VPS8: variants seen among roughly 807,000 people sequenced by gnomAD.
The protein encoded by VPS8 is vacuolar protein sorting-associated protein 8 homolog.
In VPS8, 129 loss-of-function variants were observed where a neutral mutation model predicts 216.4. The observed-to-expected ratio is 0.60, with a 90% CI of 0.52 to 0.69. The LOEUF (loss-of-function observed/expected upper bound fraction) is 0.69. VPS8 is among the 30% of genes least tolerant of loss of function. VPS8 has a pLI of 0.00. For synonymous variants in VPS8, 571 were observed against 565.4 expected (o/e 1.01, Z -0.14); for missense variants, 1,531 against 1,683.5 (o/e 0.91, Z 1.59).
intron 42 of VPS8, among the ~76,000 whole-genome samples, chr3:184,993,379 C>A (rs1298785631): frequency 2.0e-5 from 3 of 151,144 alleles, no homozygotes; most frequent in African/African-American, 4.9e-5. Flanking sequence ...TTTTTGTACA[C>A]TTCAGTGTTT....
At chr3:184,863,397 A>C (rs1313405205) in intron 16 of VPS8, among the ~76,000 whole-genome samples, 1 of 152,220 alleles carries the variant, frequency 6.6e-6, no homozygotes, top group Non-Finnish European at 1.5e-5. Flanking sequence ...TAGAAAGCTT[A>C]ATTTGGCAGT....
chr3:184,852,099 C>T (rs1724392014), intron 10 of VPS8, among the ~76,000 whole-genome samples: 1 of 152,074 alleles, frequency 6.6e-6, no homozygotes, highest in African/African-American at 2.4e-5. Flanking sequence ...TCAAAGATAC[C>T]AAGTATTTTT....
chr3:184,882,270 G>A (rs1390167081), intron 21 of VPS8: 16 of 405,882 alleles, frequency 3.9e-5, no homozygotes, highest in South Asian at 2.0e-4. Context: ...TTCTAAGAGG[G>A]TTTTCATGAA....
chr3:184,924,900 A>G lies in VPS8; in HGVS notation c.2493A>G (p.Val831=). The change falls in exon 30 of 48, where the codon GTA becomes GTG. Residue 831 remains valine (V), a synonymous_variant. Coordinates refer to ENST00000625842, the MANE Select transcript of VPS8 (RefSeq NM_001009921.3). ...VENSDFTPSQ[V]GCLFTFLARQ... is the part of the protein sequence containing the mutation. ...ATTCAGACTTTACCCCCTCACAAGT[A>G]GGATGTCTCTTTACCTTCCTTGCTC... 6.2e-7 allele frequency: 1 copy of G among 1,613,344 alleles called. No individual in the cohort carries two copies. Among genetic ancestry groups the G allele is most frequent in the Non-Finnish European group, 8.5e-7 (1 of 1,179,740 alleles).
intron 25 of VPS8, among the ~76,000 whole-genome samples, chr3:184,910,235 G>A (rs560401780): frequency 1.4e-5 from 2 of 147,062 alleles, no homozygotes; most frequent in South Asian, 4.3e-4. Flanking sequence ...CCGGGTTCAC[G>A]CCATACTTCT....
intron 28 of VPS8, among the ~76,000 whole-genome samples, chr3:184,918,114 TG>T (rs1342582132): frequency 6.6e-6 from 1 of 152,182 alleles, no homozygotes; most frequent in Non-Finnish European, 1.5e-5. Flanking sequence ...ATTAGGGCAG[TG>T]GCAGTAGGGA....
At chr3:185,029,852 C>T (rs1313820646) in intron 46 of VPS8, among the ~76,000 whole-genome samples, 2 of 152,342 alleles carry the variant, frequency 1.3e-5, no homozygotes, top group Middle Eastern at 3.4e-3. Context: ...GCGTGAGCTA[C>T]CACGCCCTGC....
At chr3:184,864,326 G>T (rs1389224952) in intron 16 of VPS8, among the ~76,000 whole-genome samples, 1 of 152,168 alleles carries the variant, frequency 6.6e-6, no homozygotes, top group Non-Finnish European at 1.5e-5. Flanking sequence ...CCCAAATGGA[G>T]CCTGGAAGAC....
intron 35 of VPS8, among the ~76,000 whole-genome samples, chr3:184,939,746 T>G (rs1440277474): frequency 1.3e-5 from 2 of 152,166 alleles, no homozygotes; most frequent in Non-Finnish European, 2.9e-5. Context: ...TGGTGGTGGT[T>G]GTTAACTTGG....
At chr3:184,823,479 A>C (rs1473692340) in intron 1 of VPS8, among the ~76,000 whole-genome samples, 4 of 152,356 alleles carry the variant, frequency 2.6e-5, no homozygotes, top group Admixed American at 6.5e-5. Flanking sequence ...GGTTGGTGGT[A>C]GTGGTGTTTA....
Position 184,976,317 on chromosome 3 carries a change from G to A in VPS8, c.3420+4565G>A, listed in dbSNP as rs117734934. ...TTAGGTAGATCATACCAGTCTTTTT[G>A]TTACAATTTTTTTATTCCTAGATTT... On this transcript the variant is annotated intron_variant, in intron 40 of 47. Transcript: ENST00000625842. Among the ~76,000 whole-genome samples, 35 of 150,628 alleles carry A rather than the reference G, an allele frequency of 2.3e-4. No individual in the cohort carries two copies. In the East Asian group the frequency reaches 6.0e-3, roughly 26 times the overall value.
chr3:184,931,105 A>G (rs969866148), intron 34 of VPS8, among the ~76,000 whole-genome samples: 7 of 152,188 alleles, frequency 4.6e-5, no homozygotes, highest in Non-Finnish European at 1.0e-4. Context: ...TAGATATACA[A>G]ATAGACTACT....
rs532056032 is a variant in VPS8, at chr3:184,832,750, T to C, written c.284T>C (p.Ile95Thr). ...CCTACATTGTTAAACATTGATACTA[T>C]TGATTCTCACTCCTATGATACTTCA... is the stretch of plus-strand genomic sequence containing the variant. ...EDPTLLNIDT[I>T]DSHSYDTSSV... is the part of the protein sequence containing the mutation. Residue 95 changes from isoleucine to threonine, a missense_variant, in exon 4 of 48, where the codon ATT (isoleucine) becomes ACT (threonine). Physicochemically the swap from Ile to Thr is moderately conservative, Grantham distance 89. Around this residue, in one of 3 missense-constraint regions of VPS8, gnomAD observed 199 missense variants for 182.2 expected, o/e 1.09. Coordinates refer to ENST00000625842, the MANE Select transcript of VPS8 (RefSeq NM_001009921.3). 3.0e-5 allele frequency: 49 copies of C among 1,609,100 alleles called. No homozygotes were observed. In the South Asian group the frequency reaches 4.9e-4, roughly 16 times the overall value.
At chr3:184,838,814 C>A in intron 6 of VPS8, 68 bp downstream of exon 6, 1 of 1,264,062 alleles carries the variant, frequency 7.9e-7, no homozygotes, top group Non-Finnish European at 1.1e-6. Context: ...TTTATCATTA[C>A]ATTGTTCAAA....
chr3:184,925,344 C>T (rs1172489065), intron 30 of VPS8, among the ~76,000 whole-genome samples: 1 of 152,196 alleles, frequency 6.6e-6, no homozygotes, highest in Non-Finnish European at 1.5e-5. Context: ...TTACAAATGA[C>T]TTTCAAGGTT....
intron 25 of VPS8, among the ~76,000 whole-genome samples, chr3:184,909,739 C>T (rs909185224): frequency 6.6e-6 from 1 of 152,110 alleles, no homozygotes; most frequent in African/African-American, 2.4e-5. Context: ...TTTTGTTCAT[C>T]CCAGGATTGG....
chr3:185,034,416 T>G (rs1758588934), intron 46 of VPS8, among the ~76,000 whole-genome samples: 1 of 152,198 alleles, frequency 6.6e-6, no homozygotes, highest in African/African-American at 2.4e-5. Flanking sequence ...TTTTCATATG[T>G]TTATTGGCCA....
At chr3:185,009,463 A>G (rs1282496169) in intron 45 of VPS8, among the ~76,000 whole-genome samples, 3 of 152,204 alleles carry the variant, frequency 2.0e-5, no homozygotes, top group Admixed American at 6.5e-5. Context: ...TTTATGCACT[A>G]CTAGTGGGAA....
intron 21 of VPS8, among the ~76,000 whole-genome samples, chr3:184,881,657 C>G (rs1235616039): frequency 1.3e-5 from 2 of 151,966 alleles, no homozygotes; most frequent in African/African-American, 4.8e-5. Flanking sequence ...TTAGAATAAT[C>G]TCGTCTATAT....
Sources: allele counts gnomAD v4.1 joint callset (sites outside exome capture counted in the v4.1 genomes callset), GRCh38; gene constraint gnomAD v4.1.1; regional missense constraint gnomAD v4.1.1; transcripts MANE v1.5; gene names NCBI Gene and HGNC (gene_info 2026-07-23, HGNC 2026-07-21).